The following PTPRN2 variants were observed in gnomAD, a reference collection of about 807,000 sequenced individuals.
The protein encoded by PTPRN2 is receptor-type tyrosine-protein phosphatase N2.
In PTPRN2, 74 loss-of-function variants were observed where a neutral mutation model predicts 118.8. The ratio of observed to expected loss-of-function variants is 0.62; its 90% CI spans 0.52 to 0.76. PTPRN2 has a LOEUF of 0.76. PTPRN2 is among the 30% of genes least tolerant of loss of function. The pLI is 0.00. For missense variants in PTPRN2, 1,481 were observed against 1,394.4 expected (o/e 1.06, Z -0.99); for synonymous variants, 641 against 608.0 (o/e 1.05, Z -0.80).
intron 12 of PTPRN2, among the ~76,000 whole-genome samples, chr7:157,697,326 C>T (rs371910225): frequency 4.3e-5 from 6 of 139,580 alleles, no homozygotes; most frequent in African/African-American, 1.1e-4. Context: ...CACCATCTAC[C>T]CATGCATACT....
At chr7:158,243,175 A>G (rs1158477307) in intron 3 of PTPRN2, among the ~76,000 whole-genome samples, 1 of 152,228 alleles carries the variant, frequency 6.6e-6, no homozygotes, top group Non-Finnish European at 1.5e-5. Flanking sequence ...GAAAGCACAG[A>G]CGCCTTCACT....
At chr7:158,028,553 AAGG>A (rs1328595973) in intron 11 of PTPRN2, 1 of 152,402 alleles carries the variant, frequency 6.6e-6, no homozygotes, top group Non-Finnish European at 1.5e-5. Flanking sequence ...AGCCAGGAGC[AAGG>A]AGGAGACAGG....
chr7:158,187,619 T>C (rs1161771166), intron 5 of PTPRN2, among the ~76,000 whole-genome samples: 4 of 152,232 alleles, frequency 2.6e-5, no homozygotes. Context: ...AAATGAGTTC[T>C]GGGTTTTCAT....
At chr7:158,313,955 TGA>T (rs911351404) in intron 3 of PTPRN2, among the ~76,000 whole-genome samples, 8 of 152,172 alleles carry the variant, frequency 5.3e-5, no homozygotes, top group African/African-American at 1.9e-4. Flanking sequence ...TTTGTCAGGC[TGA>T]GAGTCTTGTG....
chr7:158,398,030 G>A (rs1475780188), intron 2 of PTPRN2, among the ~76,000 whole-genome samples: 1 of 152,182 alleles, frequency 6.6e-6, no homozygotes, highest in Non-Finnish European at 1.5e-5. Context: ...TGATCCTGAG[G>A]CTGGGAAAAT....
chr7:157,822,077 C>T (rs1337542718), intron 12 of PTPRN2, among the ~76,000 whole-genome samples: 1 of 151,912 alleles, frequency 6.6e-6, no homozygotes, highest in Non-Finnish European at 1.5e-5. Context: ...CATCTATATA[C>T]TATCCATCAA....
At chr7:158,441,579 AGTG>A (rs1216369393) in intron 2 of PTPRN2, among the ~76,000 whole-genome samples, 6 of 130,964 alleles carry the variant, frequency 4.6e-5, no homozygotes, top group South Asian at 2.6e-4. Flanking sequence ...TGGTGATGGC[AGTG>A]GTGGTGGTGG....
chr7:158,584,813 C>T (rs529979041), intron 1 of PTPRN2, among the ~76,000 whole-genome samples: 392 of 152,260 alleles, frequency 2.6e-3, no homozygotes, highest in African/African-American at 9.0e-3. Flanking sequence ...ATCAAGAGCT[C>T]CTTCACTGTC....
chr7:157,974,171 A>G lies in PTPRN2; in HGVS notation c.1724-75434T>C, dbSNP rs1291835160. On this transcript the variant is annotated intron_variant, in intron 11 of 22. Coordinates refer to ENST00000389418, the MANE Select transcript of PTPRN2 (RefSeq NM_002847.5). This position sits in a 1 kb window ranked among gnomAD's most constrained non-coding sequence, Gnocchi z 4.0. ...GAGCGCCGGCCCTGCGGATCCGGCG[A>G]TGATCATTGTGGAAAGAATGGACAG... 6.6e-6 allele frequency among the ~76,000 whole-genome samples: 1 copy of G among 152,156 alleles called. No individual in the cohort carries two copies. Among genetic ancestry groups the G allele is most frequent in the Non-Finnish European group, 1.5e-5 (1 of 68,034 alleles).
chr7:158,419,036 G>A (rs939375774), intron 2 of PTPRN2, among the ~76,000 whole-genome samples: 1 of 152,212 alleles, frequency 6.6e-6, no homozygotes, highest in Non-Finnish European at 1.5e-5. Context: ...CATAGTCCTT[G>A]CCACTTCTCC....
intron 5 of PTPRN2, among the ~76,000 whole-genome samples, chr7:158,170,742 C>A (rs962164123): frequency 1.3e-5 from 2 of 152,142 alleles, no homozygotes; most frequent in African/African-American, 4.8e-5. Context: ...AGTATTCTCA[C>A]GCTGACTGGC....
intron 1 of PTPRN2, among the ~76,000 whole-genome samples, chr7:158,502,323 CA>C (rs376091100): frequency 6.6e-6 from 1 of 152,098 alleles, no homozygotes; most frequent in Non-Finnish European, 1.5e-5. Flanking sequence ...ACAATTTTTA[CA>C]AAAAAACTTA....
At chr7:158,271,008 A>G (rs1399683256) in intron 3 of PTPRN2, among the ~76,000 whole-genome samples, 24 of 65,758 alleles carry the variant, frequency 3.6e-4, no homozygotes, top group Non-Finnish European at 3.8e-4. Flanking sequence ...ATCCACCTGG[A>G]CCACCCCTCC....
At chr7:158,203,716 TG>T (rs1826860652) in intron 4 of PTPRN2, among the ~76,000 whole-genome samples, 1 of 152,200 alleles carries the variant, frequency 6.6e-6, no homozygotes, top group African/African-American at 2.4e-5. Context: ...TCAAGGTCAT[TG>T]GGGCAGTGCA....
At chr7:158,516,653 T>C (rs1332720678) in intron 1 of PTPRN2, among the ~76,000 whole-genome samples, 1 of 151,956 alleles carries the variant, frequency 6.6e-6, no homozygotes, top group Non-Finnish European at 1.5e-5. Context: ...CTCCTGCCTA[T>C]TGTTCTTGGT....
intron 2 of PTPRN2, 92 bp downstream of exon 2, chr7:158,489,643 A>C: frequency 7.4e-7 from 1 of 1,348,906 alleles, no homozygotes; most frequent in Non-Finnish European, 9.9e-7. Context: ...CCCCAGCTCC[A>C]GGCCAGCGGC....
rs112188100 is a variant in PTPRN2 at position 158,247,853 on chromosome 7, T to C, written c.278-42580A>G. On this transcript the variant is annotated intron_variant, in intron 3 of 22. Transcript: ENST00000389418. The stretch of plus-strand genomic sequence containing the variant: ...CTGGTCTCGAACTCCTCACCTCAGG[T>C]GATCCACCCACCTTGGCCTCCCAAA... Among the ~76,000 whole-genome samples the C allele has an allele frequency of 1.9e-3, 286 of 152,174 alleles. 2 individuals carry two copies. The highest frequency in any genetic ancestry group is 6.6e-3 in the African/African-American group (273 of 41,536).
chr7:157,695,024 G>A (rs1797696839), intron 12 of PTPRN2, among the ~76,000 whole-genome samples: 1 of 152,006 alleles, frequency 6.6e-6, no homozygotes, highest in African/African-American at 2.4e-5. Context: ...AATATAAATA[G>A]TTTAAAAATG....
At chr7:157,684,401 G>T (rs1797064116) in intron 12 of PTPRN2, among the ~76,000 whole-genome samples, 1 of 146,708 alleles carries the variant, frequency 6.8e-6, no homozygotes, top group Non-Finnish European at 1.5e-5. Flanking sequence ...GGGAAAGGGG[G>T]GAGAGGGAGA....
Sources: gnomAD v4.1 joint callset for allele counts (sites outside exome capture counted in the v4.1 genomes callset) on GRCh38, gnomAD v4.1.1 for gene constraint, Gnocchi (gnomAD v3.1) non-coding constraint, MANE v1.5 for transcripts, NCBI Gene and HGNC (gene_info 2026-07-23, HGNC 2026-07-21) for gene names.